Variants in CEACAM19 observed in about 807,000 individuals in gnomAD.
CEACAM19 encodes CEA cell adhesion molecule 19.
Under a neutral mutation model 37.6 loss-of-function variants are expected in CEACAM19, and 37 were observed. The observed-to-expected ratio is 0.98, with a 90% CI of 0.76 to 1.29. The LOEUF is 1.29. CEACAM19 is among the 50% of genes most tolerant of loss of function. The pLI is 0.00. For missense variants in CEACAM19, 340 were observed against 375.6 expected (o/e 0.91, Z 0.78); for synonymous variants, 140 against 149.8 (o/e 0.93, Z 0.48).
intron 4 of CEACAM19, among the ~76,000 whole-genome samples, chr19:44,679,756 A>C (rs1185553446): frequency 6.8e-6 from 1 of 146,124 alleles, no homozygotes; most frequent in Non-Finnish European, 1.5e-5. Flanking sequence ...CTCAAAAAAA[A>C]AAATTAAAAT....
At chr19:44,670,055 G>A (rs939859141), upstream of CEACAM19, among the ~76,000 whole-genome samples, 1 of 152,148 alleles carries the variant, frequency 6.6e-6, no homozygotes, top group African/African-American at 2.4e-5. Flanking sequence ...GGTATGGTGA[G>A]TCACATCTGT....
Position 44,672,753 on chromosome 19 carries a change from G to A in CEACAM19, c.213G>A (p.Thr71=), listed in dbSNP as rs374891209. The A allele has an allele frequency of 2.7e-5, 42 of 1,582,544 alleles. No homozygotes were observed. Among genetic ancestry groups the A allele is most frequent in the Middle Eastern group, 1.7e-4 (1 of 5,982 alleles). Residue 71 remains threonine, a synonymous_variant, in exon 2 of 8, where the codon ACG becomes ACA. Transcript: ENST00000358777. ...QDFNWYLGEE[T]YGGTRLFTYI... is the part of the protein sequence containing the mutation. ...TCAACTGGTACCTGGGGGAGGAGACGTACGGAGGCACGAGGCTATTTACCT... is the reference window on the plus strand; with the variant it reads ...TCAACTGGTACCTGGGGGAGGAGACATACGGAGGCACGAGGCTATTTACCT...
At chr19:44,671,095 G>GA (rs1274274040), upstream of CEACAM19, among the ~76,000 whole-genome samples, 3 of 144,432 alleles carry the variant, frequency 2.1e-5, no homozygotes, top group African/African-American at 2.5e-5. Flanking sequence ...CATCTCAAAA[G>GA]AAAAAAAAAG....
intron 2 of CEACAM19, chr19:44,673,597 G>A (rs1354928144): frequency 1.3e-5 from 2 of 152,106 alleles, no homozygotes; most frequent in Non-Finnish European, 2.9e-5. Flanking sequence ...ATTACCAAAT[G>A]TCTCCACCCT....
At chr19:44,683,074 C>G (rs1478667336) in intron 7 of CEACAM19, 3 of 255,368 alleles carry the variant, frequency 1.2e-5, no homozygotes, top group African/African-American at 6.7e-5. Context: ...CTCTCTCTCT[C>G]TCTCTCTCTC....
chr19:44,675,958 A>G (rs1341668389), intron 2 of CEACAM19, among the ~76,000 whole-genome samples: 1 of 151,564 alleles, frequency 6.6e-6, no homozygotes, highest in Non-Finnish European at 1.5e-5. Context: ...TTTAATAGAG[A>G]TAGGGTCTCA....
rs989804215 is a variant in CEACAM19, at chr19:44,671,661, T to C, written c.-271T>C. On this transcript the variant is annotated 5_prime_UTR_variant, in exon 1 of 8. Transcript: ENST00000358777. ...GTCACGCTGAGTGAGAAAAAGAGGTTGAAGAGGGTCAGGGGAGGAGTCCTG... is the reference window on the plus strand; with the variant it reads ...GTCACGCTGAGTGAGAAAAAGAGGTCGAAGAGGGTCAGGGGAGGAGTCCTG... The C allele has an allele frequency of 1.1e-4, 52 of 470,144 alleles. No homozygotes were observed. The highest frequency in any genetic ancestry group is 5.5e-4 in the Middle Eastern group (1 of 1,820). 29.1% of individuals were successfully genotyped at this position (470,144 alleles called of 1,614,324 possible). A position where few individuals can be genotyped will look rare whatever the true frequency, so the allele number is the denominator to read the frequency against.
chr19:44,670,246 C>G (rs1001033678), upstream of CEACAM19, among the ~76,000 whole-genome samples: 2 of 151,694 alleles, frequency 1.3e-5, no homozygotes, highest in Non-Finnish European at 2.9e-5. Flanking sequence ...TTGCTTGAGC[C>G]CAGGAGTTGG....
upstream of CEACAM19, among the ~76,000 whole-genome samples, chr19:44,669,028 C>T (rs926779044): frequency 3.3e-5 from 5 of 150,700 alleles, no homozygotes; most frequent in South Asian, 2.1e-4. Context: ...TCATGTTGCC[C>T]GGGCTGGTCT....
intron 2 of CEACAM19, among the ~76,000 whole-genome samples, chr19:44,675,095 A>T (rs1256658640): frequency 9.1e-6 from 1 of 109,638 alleles, no homozygotes; most frequent in Non-Finnish European, 1.9e-5. Flanking sequence ...TTCAGAGAAC[A>T]GCGTGTGTGT....
At chr19:44,678,582 T>A (rs1046164124) in intron 3 of CEACAM19, 2 of 259,072 alleles carry the variant, frequency 7.7e-6, no homozygotes. Context: ...GGCTAATTTT[T>A]GTATTTTTAG....
rs961236393 is a variant in CEACAM19 at position 44,683,236 on chromosome 19, C to A, written c.847-201C>A. On this transcript the variant is annotated intron_variant, in intron 7 of 7. Transcript: ENST00000358777. Reference sequence around the variant, plus strand: ...CTCTGTCTCTCCTGCCTCTTTGTCTCTGTCACTGTGTCCACCTCATTTCTT... The same window carrying A: ...CTCTGTCTCTCCTGCCTCTTTGTCTATGTCACTGTGTCCACCTCATTTCTT... 8.5e-6 allele frequency: 4 copies of A among 468,920 alleles called. No homozygotes were observed. The Admixed American group carries it at 1.5e-4, about 18-fold the overall frequency. The allele number at this position is 468,920 out of a possible 1,614,324, so 29.0% of individuals were successfully genotyped here.
Position 44,683,452 on chromosome 19 carries a change from G to C in CEACAM19, c.862G>C (p.Asp288His). 6.4e-7 allele frequency: 1 copy of C among 1,557,254 alleles called. No individual in the cohort carries two copies. The highest frequency in any genetic ancestry group is 2.4e-5 in the East Asian group (1 of 41,692). The change falls in exon 8 of 8, where the codon GAC (aspartate) becomes CAC (histidine). Residue 288 changes from aspartate (D) to histidine (H), a missense_variant. Asp to His is a moderately conservative substitution (Grantham distance 81). Transcript: ENST00000358777. Reference protein sequence around the residue: ...NHQYQDLLNPDPAPYCQLVPT... With the variant: ...NHQYQDLLNPHPAPYCQLVPT... Reference sequence around the variant, plus strand: ...CCCCAAGCAGGACCTGCTAAACCCCGACCCTGCCCCCTACTGCCAGCTGGT... The same window carrying C: ...CCCCAAGCAGGACCTGCTAAACCCCCACCCTGCCCCCTACTGCCAGCTGGT...
chr19:44,681,081 C>T (rs1974049565), intron 5 of CEACAM19, 146 bp from the exon 6 acceptor site: 2 of 637,816 alleles, frequency 3.1e-6, no homozygotes, highest in Non-Finnish European at 5.6e-6. Flanking sequence ...TCGTGGTCAG[C>T]ACTGTGTCCC....
At chr19:44,680,393 C>G in intron 5 of CEACAM19, 59 bp downstream of exon 5, 1 of 1,455,008 alleles carries the variant, frequency 6.9e-7, no homozygotes, top group Non-Finnish European at 9.6e-7. Flanking sequence ...TCCTTTCTCC[C>G]CTATAGCCAC....
chr19:44,680,728 G>GCT (rs1234764679), intron 5 of CEACAM19, among the ~76,000 whole-genome samples: 4 of 152,052 alleles, frequency 2.6e-5, no homozygotes, highest in Admixed American at 2.6e-4. Flanking sequence ...GCCCTCCATG[G>GCT]CTCCCCTGTG....
intron 6 of CEACAM19, 86 bp downstream of exon 6, chr19:44,681,398 T>G (rs1454001031): frequency 1.3e-6 from 1 of 795,384 alleles, no homozygotes; most frequent in Admixed American, 2.5e-5. Flanking sequence ...TGGGCCATCT[T>G]GACACCAGGT....
chr19:44,678,704 C>A, intron 3 of CEACAM19, 149 bp from the exon 4 acceptor site: 1 of 1,132,642 alleles, frequency 8.8e-7, no homozygotes, highest in South Asian at 1.7e-5. Flanking sequence ...AGCCACTGAG[C>A]CCAATTACTA....
rs1973997856 is a variant in CEACAM19, at chr19:44,678,723, C to T, written c.576-130C>T. 2.8e-5 allele frequency: 37 copies of T among 1,333,642 alleles called. No individual in the cohort carries two copies. In the South Asian group the frequency reaches 5.3e-4, roughly 19 times the overall value. The allele number at this position is 1,333,642 out of a possible 1,614,324, so 82.6% of individuals were successfully genotyped here. A position where few individuals can be genotyped will look rare whatever the true frequency, so the allele number is the denominator to read the frequency against. On this transcript the variant is annotated intron_variant, in intron 3 of 7. Transcript: ENST00000358777. ...ACTGAGCCCAATTACTATTTTTTTACTCAAAACCGCACACACACCTTCCAC... is the reference window on the plus strand; with the variant it reads ...ACTGAGCCCAATTACTATTTTTTTATTCAAAACCGCACACACACCTTCCAC...
Sources: allele counts gnomAD v4.1 joint callset (sites outside exome capture counted in the v4.1 genomes callset), GRCh38; gene constraint gnomAD v4.1.1; transcripts MANE v1.5; gene names NCBI Gene and HGNC (gene_info 2026-07-23, HGNC 2026-07-21).